Variants in MALRD1 observed in about 807,000 individuals in gnomAD.
MALRD1 encodes the protein MAM and LDL receptor class A domain containing 1.
MALRD1 carries 247 observed loss-of-function variants against 242.1 expected under a neutral mutation model. The ratio of observed to expected loss-of-function variants is 1.02; its 90% CI spans 0.92 to 1.13. The LOEUF is 1.13. MALRD1 is among the 50% of genes most tolerant of loss of function. The pLI, the probability that MALRD1 is intolerant of heterozygous loss-of-function variation, is 0.00. For missense variants in MALRD1, 2,989 were observed against 2,533.1 expected, an observed-to-expected ratio of 1.18 and a Z score of -3.86; for synonymous variants, 995 against 866.6, an observed-to-expected ratio of 1.15 and a Z score of -2.60.
At chr10:19,623,534 A>G (rs978516781) in intron 36 of MALRD1, among the ~76,000 whole-genome samples, 2 of 152,160 alleles carry the variant, frequency 1.3e-5, no homozygotes, top group African/African-American at 4.8e-5. Flanking sequence ...CAGTGATGTA[A>G]TTCAATCCCA....
chr10:19,150,395 G>T (rs547128313), intron 11 of MALRD1, among the ~76,000 whole-genome samples: 14 of 150,988 alleles, frequency 9.3e-5, no homozygotes, highest in African/African-American at 9.9e-5. Flanking sequence ...GGCAATTTAG[G>T]GGGGACTGTC....
chr10:19,696,933 T>C (rs1833407198), intron 38 of MALRD1, among the ~76,000 whole-genome samples: 2 of 151,964 alleles, frequency 1.3e-5, no homozygotes, highest in South Asian at 4.1e-4. Context: ...AAGACTATCT[T>C]ATTCATTAGT....
chr10:19,147,490 A>G (rs1442477651), intron 11 of MALRD1, among the ~76,000 whole-genome samples: 1 of 152,230 alleles, frequency 6.6e-6, no homozygotes, highest in East Asian at 1.9e-4. Context: ...TTAAAGTTTA[A>G]AATAGAAAGG....
At chr10:19,389,093 A>G (rs2130812419) in intron 27 of MALRD1, 1 of 362,828 alleles carries the variant, frequency 2.8e-6, no homozygotes, top group South Asian at 2.1e-5. Flanking sequence ...AGCAGACCAT[A>G]TCACTCTTTT....
At position 19,271,635 on chromosome 10, in the gene MALRD1, C is replaced by A. The variant is rs541801089; in HGVS notation, c.3080-8412C>A. ...AAAACTAGCCAGGTGTGGTGGCACA[C>A]ACCTGTAGTCCCAGCTACTTGGGAG... On this transcript the variant is annotated intron_variant, in intron 19 of 39. Coordinates refer to ENST00000454679, the MANE Select transcript of MALRD1 (RefSeq NM_001142308.3). Among the ~76,000 whole-genome samples the A allele has an allele frequency of 2.0e-5, 3 of 152,114 alleles. No individual in the cohort carries two copies. In the South Asian group the frequency reaches 6.2e-4, roughly 32 times the overall value.
chr10:19,098,495 C>T (rs1016460593), intron 4 of MALRD1, among the ~76,000 whole-genome samples: 1 of 152,024 alleles, frequency 6.6e-6, no homozygotes, highest in African/African-American at 2.4e-5. Flanking sequence ...AAATCATTAT[C>T]CGAGGTATTT....
intron 36 of MALRD1, among the ~76,000 whole-genome samples, chr10:19,621,816 T>A (rs759326698): frequency 9.9e-5 from 15 of 151,616 alleles, no homozygotes; most frequent in African/African-American, 2.2e-4. Flanking sequence ...CGGAAAAAAA[T>A]TTTTCATGGC....
chr10:19,159,326 GT>G (rs944298069), intron 12 of MALRD1, among the ~76,000 whole-genome samples: 14 of 151,618 alleles, frequency 9.2e-5, no homozygotes, highest in Non-Finnish European at 2.9e-5. Flanking sequence ...ATCTTAGCTT[GT>G]TTTTTTTCTT....
At chr10:19,478,084 A>T (rs573280225) in intron 29 of MALRD1, among the ~76,000 whole-genome samples, 7 of 152,340 alleles carry the variant, frequency 4.6e-5, no homozygotes, top group African/African-American at 1.7e-4. Context: ...CTTTTATTAA[A>T]AGGGAAATCT....
chr10:19,420,010 T>C (rs1201174720), intron 28 of MALRD1, among the ~76,000 whole-genome samples: 3 of 152,130 alleles, frequency 2.0e-5, no homozygotes, highest in African/African-American at 7.2e-5. Context: ...CACTGGAATA[T>C]AAAATTTTCT....
At chr10:19,618,907 G>A (rs756037029) in intron 36 of MALRD1, among the ~76,000 whole-genome samples, 11 of 151,910 alleles carry the variant, frequency 7.2e-5, no homozygotes, top group Non-Finnish European at 1.2e-4. Flanking sequence ...GACGTTAGAC[G>A]ATGCTTGCAG....
intron 18 of MALRD1, among the ~76,000 whole-genome samples, chr10:19,220,252 G>A (rs548132992): frequency 1.3e-4 from 20 of 152,114 alleles, no homozygotes; most frequent in Non-Finnish European, 2.6e-4. Flanking sequence ...TTATAGAATA[G>A]CCTATGTAGA....
At chr10:19,127,326 A>G (rs1209908424) in intron 7 of MALRD1, among the ~76,000 whole-genome samples, 1 of 152,228 alleles carries the variant, frequency 6.6e-6, no homozygotes, top group Non-Finnish European at 1.5e-5. Flanking sequence ...TTTACTGTGC[A>G]AAAGACATTA....
At chr10:19,338,421 A>G (rs1433106063) in intron 24 of MALRD1, among the ~76,000 whole-genome samples, 1 of 147,950 alleles carries the variant, frequency 6.8e-6, no homozygotes, top group Non-Finnish European at 1.5e-5. Flanking sequence ...GGAATCATAC[A>G]ACATGTAGCC....
At chr10:19,395,020 A>G (rs534805749) in intron 28 of MALRD1, among the ~76,000 whole-genome samples, 22 of 152,356 alleles carry the variant, frequency 1.4e-4, no homozygotes, top group Admixed American at 3.3e-4. Context: ...CAAGACTATC[A>G]TGTGGATTTT....
intron 11 of MALRD1, among the ~76,000 whole-genome samples, chr10:19,148,193 G>T (rs1374544583): frequency 1.3e-5 from 2 of 152,056 alleles, no homozygotes; most frequent in African/African-American, 4.8e-5. Context: ...GATGATGAAG[G>T]CCTAAGCCAA....
intron 19 of MALRD1, among the ~76,000 whole-genome samples, chr10:19,268,835 G>A (rs1210015005): frequency 6.6e-6 from 1 of 152,148 alleles, no homozygotes; most frequent in African/African-American, 2.4e-5. Flanking sequence ...TGTCATATGT[G>A]TTACAGTGAA....
chr10:19,557,584 T>G (rs959005921), intron 32 of MALRD1, among the ~76,000 whole-genome samples: 4 of 152,290 alleles, frequency 2.6e-5, no homozygotes, highest in African/African-American at 9.6e-5. Context: ...CAGTTACTTC[T>G]ATTTGTGTGA....
chr10:19,261,180 A>C (rs936684015), intron 19 of MALRD1, among the ~76,000 whole-genome samples: 4 of 152,302 alleles, frequency 2.6e-5, no homozygotes, highest in Non-Finnish European at 5.9e-5. Flanking sequence ...TCACAGTTCC[A>C]AGGGGAGGTA....
Sources: gnomAD v4.1 joint callset for allele counts (sites outside exome capture counted in the v4.1 genomes callset) on GRCh38, gnomAD v4.1.1 for gene constraint, MANE v1.5 for transcripts, NCBI Gene and HGNC (gene_info 2026-07-23, HGNC 2026-07-21) for gene names.